DENND5B: variants seen among roughly 807,000 people sequenced by gnomAD.
The protein encoded by DENND5B is DENN domain-containing protein 5B.
In DENND5B, 34 loss-of-function variants were observed where a neutral mutation model predicts 140.6. That is an observed-to-expected ratio of 0.24 (90% CI 0.18 to 0.32). The LOEUF (loss-of-function observed/expected upper bound fraction) is 0.32. DENND5B is among the 10% of genes least tolerant of loss of function. DENND5B has a pLI of 1.00. For missense variants in DENND5B, 1,142 were observed against 1,560.2 expected, an observed-to-expected ratio of 0.73 and a Z score of 4.52; for synonymous variants, 551 against 562.1, an observed-to-expected ratio of 0.98 and a Z score of 0.28.
chr12:31,492,375 ATT>A (rs1470462088), intron 2 of DENND5B, among the ~76,000 whole-genome samples: 1 of 152,164 alleles, frequency 6.6e-6, no homozygotes, highest in East Asian at 1.9e-4. Flanking sequence ...GAAGGGTGGC[ATT>A]TTGTTCCAAA....
chr12:31,540,985 A>G, intron 1 of DENND5B: 1 of 454,780 alleles, frequency 2.2e-6, no homozygotes. Context: ...TGGTGCTGGG[A>G]AAACTGGATA....
chr12:31,423,113 G>C (rs1261132269), intron 11 of DENND5B, among the ~76,000 whole-genome samples: 1 of 151,736 alleles, frequency 6.6e-6, no homozygotes, highest in Non-Finnish European at 1.5e-5. Context: ...GGTAATTTTT[G>C]CATTTTTTGT....
At chr12:31,532,350 G>C (rs1457752675) in intron 1 of DENND5B, among the ~76,000 whole-genome samples, 1 of 152,154 alleles carries the variant, frequency 6.6e-6, no homozygotes, top group African/African-American at 2.4e-5. Flanking sequence ...CAGGAAGAGA[G>C]GGGAGGTTTA....
At chr12:31,574,295 A>AATAATAATAATT (rs374578025) in intron 1 of DENND5B, among the ~76,000 whole-genome samples, 2,156 of 144,542 alleles carry the variant, frequency 0.015, 30 homozygotes, top group Middle Eastern at 0.025. Flanking sequence ...TAATAATAAT[A>AATAATAATAATT]ATTTAAAAGG....
chr12:31,433,275 G>A (rs1642108643), intron 7 of DENND5B, 27 bp from the exon 8 acceptor site: 1 of 1,594,132 alleles, frequency 6.3e-7, no homozygotes. Flanking sequence ...ATTTAAAAAT[G>A]TGTTCCTTAT....
intron 6 of DENND5B, among the ~76,000 whole-genome samples, chr12:31,445,853 C>A (rs1337311983): frequency 1.3e-5 from 2 of 151,626 alleles, no homozygotes; most frequent in African/African-American, 4.8e-5. Context: ...ACAAAAAATA[C>A]AAAAAATTAC....
intron 16 of DENND5B, among the ~76,000 whole-genome samples, chr12:31,398,976 G>A (rs1565540869): frequency 6.6e-6 from 1 of 151,496 alleles, no homozygotes; most frequent in Admixed American, 6.6e-5. Flanking sequence ...ACAGAAATTA[G>A]CCGGGCGTGG....
chr12:31,412,679 C>T (rs1159955357), intron 13 of DENND5B, among the ~76,000 whole-genome samples: 4 of 152,130 alleles, frequency 2.6e-5, no homozygotes, highest in Admixed American at 2.6e-4. Context: ...GGCTGGGAAC[C>T]CTTGCCCTAA....
At chr12:31,500,436 T>C in intron 1 of DENND5B, 2 of 448,186 alleles carry the variant, frequency 4.5e-6, no homozygotes, top group South Asian at 3.2e-5. Context: ...TCTCAGCACT[T>C]CGGGAGGCCG....
At position 31,503,931 on chromosome 12, in the gene DENND5B, A is replaced by G. The variant is rs147570517; in HGVS notation, c.128-8012T>C. Among the ~76,000 whole-genome samples the G allele has an allele frequency of 1.3e-3, 200 of 152,336 alleles. 1 individual carries two copies. The highest frequency in any genetic ancestry group is 4.7e-3 in the African/African-American group (194 of 41,580). On this transcript the variant is annotated intron_variant, in intron 1 of 20. Transcript: ENST00000389082. Reference sequence around the variant, plus strand: ...CCTAGTTTTAAACAAAATCATTAATAAAATGAGACATGAAAGCTATTCCAG... The same window carrying G: ...CCTAGTTTTAAACAAAATCATTAATGAAATGAGACATGAAAGCTATTCCAG...
At chr12:31,532,533 T>C (rs1229253298) in intron 1 of DENND5B, among the ~76,000 whole-genome samples, 1 of 152,070 alleles carries the variant, frequency 6.6e-6, no homozygotes, top group Non-Finnish European at 1.5e-5. Flanking sequence ...AGAACACAGA[T>C]GGGAGAATGG....
intron 17 of DENND5B, among the ~76,000 whole-genome samples, chr12:31,395,674 G>A (rs1283421832): frequency 6.6e-6 from 1 of 152,054 alleles, no homozygotes; most frequent in African/African-American, 2.4e-5. Context: ...AATGGATAGA[G>A]ACTAATAGAA....
chr12:31,505,983 T>C (rs1046155711), intron 1 of DENND5B, among the ~76,000 whole-genome samples: 1 of 151,958 alleles, frequency 6.6e-6, no homozygotes, highest in Non-Finnish European at 1.5e-5. Context: ...TACAGGCATA[T>C]ACTCTCATGC....
chr12:31,428,431 T>C (rs1464759052), intron 8 of DENND5B, among the ~76,000 whole-genome samples: 1 of 152,136 alleles, frequency 6.6e-6, no homozygotes, highest in Non-Finnish European at 1.5e-5. Context: ...AGACGGAATC[T>C]CGATCTGTCA....
intron 1 of DENND5B, among the ~76,000 whole-genome samples, chr12:31,575,846 A>G (rs1592081368): frequency 6.6e-6 from 1 of 152,238 alleles, no homozygotes; most frequent in African/African-American, 2.4e-5. Context: ...CATGCCTGTA[A>G]TATCAGCTAC....
Position 31,495,842 on chromosome 12 carries a change from A to G in DENND5B, c.205T>C (p.Trp69Arg). 2 of 1,612,604 alleles carry G rather than the reference A, an allele frequency of 1.2e-6. No homozygotes were observed. The highest frequency in any genetic ancestry group is 8.5e-7 in the Non-Finnish European group (1 of 1,179,252). The change falls in exon 2 of 21, where the codon TGG becomes CGG. Residue 69 changes from tryptophan to arginine, a missense_variant. Physicochemically the swap from Trp to Arg is moderately radical, Grantham distance 101 (BLOSUM62 -3). This residue lies in a region of DENND5B where 708 missense variants were observed against 905.5 expected (regional missense o/e 0.78). Coordinates refer to ENST00000389082, the MANE Select transcript of DENND5B (RefSeq NM_144973.4). ...VLAHYPQNIEWNPFDQDAVNM... is the reference protein window; with the variant it reads ...VLAHYPQNIERNPFDQDAVNM... ...ACCGCATCTTGATCAAAAGGGTTCC[A>G]TTCTATATTCTGAGGATAGTGGGCG...
intron 1 of DENND5B, chr12:31,589,917 AG>A (rs1950545027): frequency 6.6e-6 from 1 of 152,324 alleles, no homozygotes; most frequent in African/African-American, 2.4e-5. Flanking sequence ...TGCCCAGCAC[AG>A]CCCCGCACTG....
chr12:31,476,495 A>AC (rs397802119), intron 3 of DENND5B, among the ~76,000 whole-genome samples: 2 of 151,618 alleles, frequency 1.3e-5, no homozygotes, highest in African/African-American at 4.8e-5. Flanking sequence ...AAAAAAAAAA[A>AC]CCCAAACTAT....
chr12:31,449,978 G>A (rs1468037519), intron 5 of DENND5B, among the ~76,000 whole-genome samples: 20 of 151,982 alleles, frequency 1.3e-4, no homozygotes, highest in Admixed American at 1.0e-3. Context: ...TGATTCGCCC[G>A]CCTCAGCCTC....
Sources: gnomAD v4.1 joint callset for allele counts (sites outside exome capture counted in the v4.1 genomes callset) on GRCh38, gnomAD v4.1.1 for gene constraint, gnomAD v4.1.1 regional missense constraint, MANE v1.5 for transcripts, NCBI Gene and HGNC (gene_info 2026-07-23, HGNC 2026-07-21) for gene names.